The following CNTNAP4 variants were observed in gnomAD, a reference collection of about 807,000 sequenced individuals.
CNTNAP4 encodes the protein contactin associated protein family member 4.
A neutral mutation model predicts 148.4 loss-of-function variants in CNTNAP4; 98 were observed. That is an observed-to-expected ratio of 0.66 (90% CI 0.56 to 0.78). The LOEUF (loss-of-function observed/expected upper bound fraction) is 0.78, where lower values mean the gene tolerates loss of function less well. Among genes scored for constraint, CNTNAP4 ranks in the 30% least tolerant of loss-of-function variants. CNTNAP4 has a pLI of 0.00. For missense variants in CNTNAP4, 1,935 were observed against 1,565.6 expected, an observed-to-expected ratio of 1.24 and a Z score of -3.98; for synonymous variants, 730 against 565.1, an observed-to-expected ratio of 1.29 and a Z score of -4.14.
chr16:76,425,742 G>A (rs952721167), intron 3 of CNTNAP4, among the ~76,000 whole-genome samples: 8 of 152,266 alleles, frequency 5.3e-5, no homozygotes, highest in East Asian at 3.9e-4. Flanking sequence ...CTGCTGGTGC[G>A]AATCCCTGAG....
At chr16:76,495,122 A>C in intron 14 of CNTNAP4, 56 bp downstream of exon 14, 1 of 1,580,926 alleles carries the variant, frequency 6.3e-7, no homozygotes, top group Non-Finnish European at 8.7e-7. Context: ...AAAATTAATC[A>C]CTCAAAGTAT....
intron 3 of CNTNAP4, among the ~76,000 whole-genome samples, chr16:76,376,901 C>T (rs933819958): frequency 1.6e-5 from 2 of 128,636 alleles, no homozygotes. Context: ...ACAAAACTAA[C>T]AAGGTTTGTG....
chr16:76,357,058 A>AACACACAC (rs58020066), intron 3 of CNTNAP4, among the ~76,000 whole-genome samples: 143 of 148,048 alleles, frequency 9.7e-4, no homozygotes, highest in South Asian at 4.3e-3. Flanking sequence ...AACAAAACAA[A>AACACACAC]ACACACACAC....
chr16:76,289,339 T>A (rs1021564446), intron 1 of CNTNAP4, among the ~76,000 whole-genome samples: 1 of 152,210 alleles, frequency 6.6e-6, no homozygotes, highest in Non-Finnish European at 1.5e-5. Flanking sequence ...TCAAGTCTTT[T>A]GTATTGGTTT....
In CNTNAP4 at chr16:76,437,050, T is replaced by C. The variant is rs569156054; in HGVS notation, c.538+9451T>C. Among the ~76,000 whole-genome samples the C allele has an allele frequency of 1.8e-4, 28 of 151,908 alleles. No individual in the cohort carries two copies. In the South Asian group the frequency reaches 3.9e-3, roughly 21 times the overall value. ...GATCACAAGGTCCTACAATAGGCCA[T>C]CTGCAAGCTGAGGAGCAAGGAAGCT... On this transcript the variant is annotated intron_variant, in intron 4 of 23. Coordinates refer to ENST00000611870, the MANE Select transcript of CNTNAP4 (RefSeq NM_033401.5).
intron 3 of CNTNAP4, among the ~76,000 whole-genome samples, chr16:76,387,479 C>T (rs2016610112): frequency 6.6e-6 from 1 of 152,098 alleles, no homozygotes; most frequent in African/African-American, 2.4e-5. Flanking sequence ...ATTATTTTGT[C>T]ATTTTTGAGT....
chr16:76,344,307 C>T (rs1234919969), intron 2 of CNTNAP4, among the ~76,000 whole-genome samples: 2 of 152,090 alleles, frequency 1.3e-5, no homozygotes, highest in Admixed American at 1.3e-4. Context: ...GTGACTGTAC[C>T]AATGCTATAC....
rs111691424 is a variant in CNTNAP4, at chr16:76,405,815, C to CTT, written c.391-21628_391-21627dup. On this transcript the variant is annotated intron_variant, in intron 3 of 23. Transcript: ENST00000611870. ...ATATGCATAGCATGTAAATTGTCTC[C>CTT]TTTTTTTTTTACATAGCTAAAGAAT... 3.6e-4 allele frequency among the ~76,000 whole-genome samples: 54 copies of CTT among 148,500 alleles called. No individual in the cohort carries two copies. In the South Asian group the frequency reaches 5.3e-3, roughly 15 times the overall value.
intron 14 of CNTNAP4, among the ~76,000 whole-genome samples, chr16:76,496,481 A>G (rs1355071086): frequency 6.6e-6 from 1 of 152,140 alleles, no homozygotes; most frequent in Admixed American, 6.5e-5. Context: ...TTGTAAATCC[A>G]GGAAAAAAAT....
Position 76,356,418 on chromosome 16 carries a change from C to T in CNTNAP4, c.390+907C>T, listed in dbSNP as rs573778127. On this transcript the variant is annotated intron_variant, in intron 3 of 23. Coordinates refer to ENST00000611870, the MANE Select transcript of CNTNAP4 (RefSeq NM_033401.5). ...TTGCTGTGTGTTGTAAACAGTGGTG[C>T]AGCTCCTATAAGAGGGAGACTGGGA... Among the ~76,000 whole-genome samples, 14 of 152,180 alleles carry T rather than the reference C, an allele frequency of 9.2e-5. No homozygotes were observed. In the East Asian group the frequency reaches 1.4e-3, roughly 15 times the overall value.
intron 8 of CNTNAP4, among the ~76,000 whole-genome samples, chr16:76,461,566 T>C (rs1479006218): frequency 6.6e-6 from 1 of 152,218 alleles, no homozygotes; most frequent in African/African-American, 2.4e-5. Flanking sequence ...AATACTCTAT[T>C]ATCCTACCAT....
At chr16:76,444,175 A>G (rs1439931780) in intron 4 of CNTNAP4, among the ~76,000 whole-genome samples, 1 of 152,188 alleles carries the variant, frequency 6.6e-6, no homozygotes, top group African/African-American at 2.4e-5. Flanking sequence ...GTTAATATTC[A>G]ACAGGACAAT....
chr16:76,430,735 CA>C (rs1283082779), intron 4 of CNTNAP4, among the ~76,000 whole-genome samples: 1 of 152,160 alleles, frequency 6.6e-6, no homozygotes, highest in Non-Finnish European at 1.5e-5. Flanking sequence ...CTGAGCCATT[CA>C]CTCAAGTGTA....
At chr16:76,382,657 A>G (rs1381869213) in intron 3 of CNTNAP4, among the ~76,000 whole-genome samples, 1 of 152,176 alleles carries the variant, frequency 6.6e-6, no homozygotes, top group African/African-American at 2.4e-5. Context: ...AAATAGAACT[A>G]TTTCCTAGTT....
chr16:76,464,049 G>T (rs1386879883), intron 9 of CNTNAP4, among the ~76,000 whole-genome samples: 1 of 152,104 alleles, frequency 6.6e-6, no homozygotes, highest in African/African-American at 2.4e-5. Flanking sequence ...GCAAAATCCA[G>T]GCCACCCTAA....
At chr16:76,474,389 C>T (rs1351056084) in intron 10 of CNTNAP4, among the ~76,000 whole-genome samples, 1 of 152,090 alleles carries the variant, frequency 6.6e-6, no homozygotes, top group African/African-American at 2.4e-5. Context: ...GGTCAAGGGC[C>T]TGTAGTCCGC....
At position 76,374,798 on chromosome 16, in the gene CNTNAP4, C is replaced by T. The variant is rs565671288; in HGVS notation, c.390+19287C>T. Reference sequence around the variant, plus strand: ...TATTATTATTATTTGAGAGAAGTCTCGCTCTTGTCCCCCAGGCTTGAGTGC... The same window carrying T: ...TATTATTATTATTTGAGAGAAGTCTTGCTCTTGTCCCCCAGGCTTGAGTGC... On this transcript the variant is annotated intron_variant, in intron 3 of 23. Transcript: ENST00000611870. Among the ~76,000 whole-genome samples, 22 of 149,818 alleles carry T rather than the reference C, an allele frequency of 1.5e-4. No homozygotes were observed. In the East Asian group the frequency reaches 1.8e-3, roughly 12 times the overall value.
chr16:76,382,087 A>AG (rs2016040644), intron 3 of CNTNAP4, among the ~76,000 whole-genome samples: 1 of 150,344 alleles, frequency 6.7e-6, no homozygotes, highest in East Asian at 1.9e-4. Context: ...AAAAAAAAAA[A>AG]AGAGAAAGTT....
chr16:76,498,721 G>A (rs563808797), intron 15 of CNTNAP4, 27 bp downstream of exon 15: 11 of 1,555,766 alleles, frequency 7.1e-6, no homozygotes, highest in East Asian at 4.6e-5. Context: ...TGTTGAAACC[G>A]TATTTGAGAA....
Sources: allele counts gnomAD v4.1 joint callset (sites outside exome capture counted in the v4.1 genomes callset), GRCh38; gene constraint gnomAD v4.1.1; transcripts MANE v1.5; gene names NCBI Gene and HGNC (gene_info 2026-07-23, HGNC 2026-07-21).